SHLD3: variants seen among roughly 807,000 people sequenced by gnomAD.
SHLD3 encodes shieldin complex subunit 3, also known as REV7-interacting novel NHEJ regulator 1.
Under a neutral mutation model 21.4 loss-of-function variants are expected in SHLD3, and 15 were observed. The ratio of observed to expected loss-of-function variants is 0.70; its 90% confidence interval spans 0.47 to 1.08. The LOEUF (loss-of-function observed/expected upper bound fraction) is 1.08. Among genes scored for constraint, SHLD3 ranks in the 50% least tolerant of loss-of-function variants. The pLI, the probability that SHLD3 is intolerant of heterozygous loss-of-function variation, is 0.00. For missense variants in SHLD3, 273 were observed against 286.1 expected (o/e 0.95, Z 0.33); for synonymous variants, 103 against 97.2 (o/e 1.06, Z -0.35).
At chr5:65,625,860 T>C in intron 1 of SHLD3, 1 of 152,264 alleles carries the variant, frequency 6.6e-6, no homozygotes, top group South Asian at 2.1e-4. Flanking sequence ...CAATGACTTC[T>C]TGAATGAGCT....
rs1201004556 is a variant in SHLD3 at position 65,630,174 on chromosome 5, A to T, written c.587A>T (p.Glu196Val). 3.9e-6 allele frequency: 6 copies of T among 1,535,924 alleles called. No homozygotes were observed. The African/African-American group carries it at 6.8e-5, about 18-fold the overall frequency. ...TKLNQIIRHN[E>V]LPSCNATIQR... ...CTCAATCAAATTATTAGGCACAATG[A>T]ACTTCCATCTTGTAATGCTACAATT... is the stretch of plus-strand genomic sequence containing the variant. The change falls in exon 2 of 2, where the codon GAA (glutamate) becomes GTA (valine). Residue 196 changes from glutamate to valine, a missense_variant. Physicochemically the swap from Glu to Val is moderately radical, Grantham distance 121. Transcript: ENST00000510585.
At chr5:65,626,078 C>G (rs1203104511) in intron 1 of SHLD3, 1 of 118,550 alleles carries the variant, frequency 8.4e-6, no homozygotes, top group Non-Finnish European at 1.9e-5. Context: ...GTGATGGGAC[C>G]TGTAAGCTTA....
chr5:65,630,373 G>A lies in SHLD3; in HGVS notation c.*33G>A, dbSNP rs1270132621. 3.5e-6 allele frequency: 5 copies of A among 1,447,490 alleles called. No homozygotes were observed. In the East Asian group the frequency reaches 1.0e-4, roughly 29 times the overall value. 89.7% of individuals were successfully genotyped at this position (1,447,490 alleles called of 1,614,324 possible). ...CACTGATTGTCAAAAAGAATATTCTGAATGAAATGAATATGGATTGAAATA... is the reference window on the plus strand; with the variant it reads ...CACTGATTGTCAAAAAGAATATTCTAAATGAAATGAATATGGATTGAAATA... On this transcript the variant is annotated 3_prime_UTR_variant, in exon 2 of 2. Transcript: ENST00000510585.
intron 1 of SHLD3, among the ~76,000 whole-genome samples, chr5:65,626,868 G>C (rs1755258784): frequency 6.6e-6 from 1 of 152,044 alleles, no homozygotes; most frequent in Non-Finnish European, 1.5e-5. Context: ...CCTAAGCCAG[G>C]CGTGGTGGCT....
rs1755484475 is a variant in SHLD3, at chr5:65,630,370, T to TGAATGA, written c.*30_*31insGAATGA. On this transcript the variant is annotated 3_prime_UTR_variant, in exon 2 of 2. Coordinates refer to ENST00000510585, the MANE Select transcript of SHLD3 (RefSeq NM_001365341.2). ...TTCCACTGATTGTCAAAAAGAATATTCTGAATGAAATGAATATGGATTGAA... is the reference window on the plus strand; with the variant it reads ...TTCCACTGATTGTCAAAAAGAATATTGAATGACTGAATGAAATGAATATGGATTGAA... The TGAATGA allele has an allele frequency of 2.1e-6, 3 of 1,457,226 alleles. No homozygotes were observed. The African/African-American group carries it at 4.3e-5, about 21-fold the overall frequency. 90.3% of individuals were successfully genotyped at this position (1,457,226 alleles called of 1,614,324 possible).
At chr5:65,626,905 C>G (rs1322338916) in intron 1 of SHLD3, among the ~76,000 whole-genome samples, 1 of 151,792 alleles carries the variant, frequency 6.6e-6, no homozygotes, top group African/African-American at 2.4e-5. Context: ...CTTTGGGAGG[C>G]CGAGGCTGGC....
At chr5:65,625,434 C>T (rs1016086245) in intron 1 of SHLD3, 3 of 334,058 alleles carry the variant, frequency 9.0e-6, no homozygotes, top group Non-Finnish European at 1.1e-5. Flanking sequence ...CTTTTTCCTT[C>T]TGTCTCTTGT....
In SHLD3 at chr5:65,629,616, G is replaced by A. The variant is rs1259866195; in HGVS notation, c.29G>A (p.Arg10Gln). 11 of 1,534,640 alleles carry A rather than the reference G, an allele frequency of 7.2e-6. No homozygotes were observed. Among genetic ancestry groups the A allele is most frequent in the South Asian group, 2.4e-5 (2 of 83,914 alleles). The change falls in exon 2 of 2, where the codon CGA becomes CAA. Residue 10 changes from arginine to glutamine, a missense_variant. Arg to Gln is a conservative substitution (Grantham distance 43). Transcript: ENST00000510585. ...ACTACAGAAGTAATATTACATTATC[G>A]ACCATGTGAGAGTGATCCCACACAA... MTTEVILHY[R>Q]PCESDPTQLP...
At position 65,625,053 on chromosome 5, in the gene SHLD3, C is replaced by T. The variant is rs747080394; in HGVS notation, c.-174C>T. The stretch of plus-strand genomic sequence containing the variant: ...CCCGTAGGCTGTGGGTCAAAAGTGC[C>T]GGTCAAAATGGAAGTGAATCCCCCT... On this transcript the variant is annotated 5_prime_UTR_variant, in exon 1 of 2. Coordinates refer to ENST00000510585, the MANE Select transcript of SHLD3 (RefSeq NM_001365341.2). 7 of 1,613,112 alleles carry T rather than the reference C, an allele frequency of 4.3e-6. No homozygotes were observed. In the Admixed American group the frequency reaches 5.0e-5, roughly 12 times the overall value.
chr5:65,627,249 C>T (rs1412712466), intron 1 of SHLD3, among the ~76,000 whole-genome samples: 1 of 151,782 alleles, frequency 6.6e-6, no homozygotes, highest in African/African-American at 2.4e-5. Context: ...TATAGTTAAC[C>T]CATTGTTCTA....
chr5:65,630,651 T>G lies in SHLD3; in HGVS notation c.*311T>G, dbSNP rs753714831. 2.9e-6 allele frequency: 3 copies of G among 1,019,806 alleles called. No individual in the cohort carries two copies. Among genetic ancestry groups the G allele is most frequent in the East Asian group, 1.8e-4 (2 of 11,144 alleles). The allele number at this position is 1,019,806 out of a possible 1,614,324, so 63.2% of individuals were successfully genotyped here. ...TCTCTAAAATCTAATTTTACTGTAT[T>G]TTTTTCCTTACCTCAAGTGTAATTT... On this transcript the variant is annotated 3_prime_UTR_variant, in exon 2 of 2. Transcript: ENST00000510585.
At chr5:65,627,345 T>A (rs916943337) in intron 1 of SHLD3, among the ~76,000 whole-genome samples, 5 of 151,752 alleles carry the variant, frequency 3.3e-5, no homozygotes, top group Non-Finnish European at 7.4e-5. Flanking sequence ...GTTCACTTTA[T>A]CTTTTAATAT....
intron 1 of SHLD3, among the ~76,000 whole-genome samples, chr5:65,628,683 G>C (rs1205064073): frequency 6.6e-6 from 1 of 151,834 alleles, no homozygotes; most frequent in Non-Finnish European, 1.5e-5. Context: ...TGTTGGCCAG[G>C]CTGGTCTCAA....
At chr5:65,627,163 A>G (rs1464449174) in intron 1 of SHLD3, among the ~76,000 whole-genome samples, 2 of 150,062 alleles carry the variant, frequency 1.3e-5, no homozygotes, top group Non-Finnish European at 3.0e-5. Flanking sequence ...AAAAAGAACA[A>G]TAAGCAGCCT....
At position 65,630,583 on chromosome 5, in the gene SHLD3, G is replaced by A; in HGVS notation, c.*243G>A. The A allele has an allele frequency of 8.7e-7, 1 of 1,150,192 alleles. No individual in the cohort carries two copies. The highest frequency in any genetic ancestry group is 1.1e-6 in the Non-Finnish European group (1 of 935,852). 71.2% of individuals were successfully genotyped at this position (1,150,192 alleles called of 1,614,324 possible). A position where few individuals can be genotyped will look rare whatever the true frequency, so the allele number is the denominator to read the frequency against. ...GTTCCTTTTGTTACAAACTGTGATT[G>A]AATTAGTCATGAATTAAGTTGTATA... On this transcript the variant is annotated 3_prime_UTR_variant, in exon 2 of 2. Coordinates refer to ENST00000510585, the MANE Select transcript of SHLD3 (RefSeq NM_001365341.2).
At chr5:65,629,380 T>G in intron 1 of SHLD3, 88 bp from the exon 2 acceptor site, 2 of 1,040,956 alleles carry the variant, frequency 1.9e-6, no homozygotes, top group Non-Finnish European at 2.5e-6. Flanking sequence ...GGGATTGGTT[T>G]TTGTTTTTTG....
Position 65,630,065 on chromosome 5 carries a change from A to G in SHLD3, c.478A>G (p.Asn160Asp). The change falls in exon 2 of 2, where the codon AAT (asparagine) becomes GAT (aspartate). Residue 160 changes from asparagine (N) to aspartate (D), a missense_variant. Coordinates refer to ENST00000510585, the MANE Select transcript of SHLD3 (RefSeq NM_001365341.2). ...KKLQDSLKAL[N>D]LHSLYRARWT... The stretch of plus-strand genomic sequence containing the variant: ...ATTGCAAGATAGTTTAAAGGCACTA[A>G]ATTTACACTCACTTTATAGAGCAAG... 6.5e-7 allele frequency: 1 copy of G among 1,536,124 alleles called. No individual in the cohort carries two copies.
rs1755464541 is a variant in SHLD3 at position 65,630,100 on chromosome 5, A to C, written c.513A>C (p.Ile171=). The C allele has an allele frequency of 2.0e-6, 3 of 1,535,998 alleles. No homozygotes were observed. The South Asian group carries it at 3.6e-5, about 18-fold the overall frequency. ...LHSLYRARWT[I]EHTICNSQTL... The stretch of plus-strand genomic sequence containing the variant: ...CACTTTATAGAGCAAGATGGACAAT[A>C]GAACACACTATTTGTAACAGCCAAA... The change falls in exon 2 of 2, where the codon ATA becomes ATC. Residue 171 remains isoleucine (I), a synonymous_variant. Transcript: ENST00000510585.
Position 65,630,098 on chromosome 5 carries a change from A to G in SHLD3, c.511A>G (p.Ile171Val). The G allele has an allele frequency of 6.5e-7, 1 of 1,536,102 alleles. No individual in the cohort carries two copies. The highest frequency in any genetic ancestry group is 8.7e-7 in the Non-Finnish European group (1 of 1,146,880). ...LHSLYRARWT[I>V]EHTICNSQTL... Reference sequence around the variant, plus strand: ...CTCACTTTATAGAGCAAGATGGACAATAGAACACACTATTTGTAACAGCCA... The same window carrying G: ...CTCACTTTATAGAGCAAGATGGACAGTAGAACACACTATTTGTAACAGCCA... Residue 171 changes from isoleucine (I) to valine (V), a missense_variant, in exon 2 of 2, where the codon ATA becomes GTA. Physicochemically the swap from Ile to Val is conservative, Grantham distance 29 (BLOSUM62 3). Coordinates refer to ENST00000510585, the MANE Select transcript of SHLD3 (RefSeq NM_001365341.2).
Sources: gnomAD v4.1 joint callset for allele counts (sites outside exome capture counted in the v4.1 genomes callset) on GRCh38, gnomAD v4.1.1 for gene constraint, MANE v1.5 for transcripts, NCBI Gene and HGNC (gene_info 2026-07-23, HGNC 2026-07-21) for gene names.